MYRFL: variants seen among roughly 807,000 people sequenced by gnomAD.
MYRFL encodes the protein myelin regulatory factor-like protein.
In MYRFL, 88 loss-of-function variants were observed where a neutral mutation model predicts 109.4. That is an observed-to-expected ratio of 0.80 (90% CI 0.68 to 0.96). The LOEUF is 0.96. Among genes scored for constraint, MYRFL ranks in the 40% least tolerant of loss-of-function variants. The pLI is 0.00. For synonymous variants in MYRFL, 324 were observed against 320.9 expected (o/e 1.01, Z -0.10); for missense variants, 957 against 954.9 (o/e 1.00, Z -0.03).
chr12:69,879,537 G>C, intron 4 of MYRFL, 84 bp downstream of exon 4: 2 of 632,946 alleles, frequency 3.2e-6, no homozygotes, highest in Non-Finnish European at 5.7e-6. Flanking sequence ...TAGAGAGAAT[G>C]CACAGTGGAG....
At position 69,886,979 on chromosome 12, in the gene MYRFL, C is replaced by A. The variant is rs1886496797; in HGVS notation, c.707+9C>A. 6 of 1,535,384 alleles carry A rather than the reference C, an allele frequency of 3.9e-6. No individual in the cohort carries two copies. The South Asian group carries it at 7.1e-5, about 18-fold the overall frequency. On this transcript the variant is annotated intron_variant, in intron 6 of 24. Transcript: ENST00000552032. The stretch of plus-strand genomic sequence containing the variant: ...AGTCATTATGAAAAACTGTAAGTGG[C>A]TTGAGTGGGCTGGAGAGTGAGGGGA...
intron 1 of MYRFL, among the ~76,000 whole-genome samples, chr12:69,844,711 G>A (rs902966447): frequency 1.3e-5 from 2 of 152,122 alleles, no homozygotes; most frequent in Non-Finnish European, 2.9e-5. Flanking sequence ...CTGTAAACTG[G>A]GAGTAGTATT....
intron 13 of MYRFL, among the ~76,000 whole-genome samples, chr12:69,920,886 A>T (rs1239260043): frequency 6.6e-6 from 1 of 152,216 alleles, no homozygotes; most frequent in East Asian, 1.9e-4. Flanking sequence ...AAACATGCTC[A>T]TTCTGTCCAT....
intron 2 of MYRFL, among the ~76,000 whole-genome samples, chr12:69,875,214 T>C: frequency 6.6e-6 from 1 of 151,722 alleles, no homozygotes; most frequent in Admixed American, 6.6e-5. Context: ...TCCTCTCTGT[T>C]GTTTAGATGG....
chr12:69,929,823 T>A (rs940659514), intron 15 of MYRFL, among the ~76,000 whole-genome samples: 1 of 152,196 alleles, frequency 6.6e-6, no homozygotes, highest in Admixed American at 6.5e-5. Context: ...TCCCTATTTT[T>A]AAAATGGGAT....
intron 6 of MYRFL, among the ~76,000 whole-genome samples, chr12:69,890,113 G>A (rs1034204871): frequency 1.1e-4 from 17 of 152,110 alleles, no homozygotes; most frequent in African/African-American, 2.4e-4. Flanking sequence ...GTTTCCAATC[G>A]ATTGTATAAC....
chr12:69,936,029 G>C (rs1337302157), intron 16 of MYRFL, 84 bp from the exon 17 acceptor site: 2 of 1,456,078 alleles, frequency 1.4e-6, no homozygotes, highest in Non-Finnish European at 1.8e-6. Context: ...GTACATCTCT[G>C]GCCAGCTGGA....
intron 5 of MYRFL, among the ~76,000 whole-genome samples, chr12:69,882,320 A>AAAG (rs1274220247): frequency 9.2e-6 from 1 of 108,646 alleles, no homozygotes; most frequent in African/African-American, 4.7e-5. Context: ...AGAAAGAAAG[A>AAAG]AAAAAAAGAC....
intron 15 of MYRFL, among the ~76,000 whole-genome samples, chr12:69,928,579 C>A (rs1382813108): frequency 6.6e-6 from 1 of 152,192 alleles, no homozygotes; most frequent in African/African-American, 2.4e-5. Flanking sequence ...CAAAATTCTT[C>A]TACTAAAAAC....
At chr12:69,873,055 G>A (rs965999625) in intron 2 of MYRFL, among the ~76,000 whole-genome samples, 2 of 152,088 alleles carry the variant, frequency 1.3e-5, no homozygotes, top group African/African-American at 4.8e-5. Context: ...TGAAACTGAG[G>A]GTAGTACCAA....
At chr12:69,860,942 C>T (rs1884620301) in intron 2 of MYRFL, among the ~76,000 whole-genome samples, 1 of 139,970 alleles carries the variant, frequency 7.1e-6, no homozygotes, top group South Asian at 2.4e-4. Context: ...GTTCCCCTTC[C>T]TGTGTCCATG....
intron 2 of MYRFL, among the ~76,000 whole-genome samples, chr12:69,864,120 G>A (rs191368774): frequency 2.8e-4 from 43 of 152,110 alleles, no homozygotes; most frequent in Admixed American, 4.6e-4. Flanking sequence ...ATGTTTCTAG[G>A]TATGAGCCTT....
chr12:69,864,670 A>ACAC (rs1884907919), intron 2 of MYRFL, among the ~76,000 whole-genome samples: 1 of 4,126 alleles, frequency 2.4e-4, no homozygotes, highest in Non-Finnish European at 5.3e-4. Flanking sequence ...CACACACACA[A>ACAC]ACACACACAC....
Position 69,892,243 on chromosome 12 carries a change from G to A in MYRFL, c.903+1077G>A, listed in dbSNP as rs117904008. On this transcript the variant is annotated intron_variant, in intron 7 of 24. Transcript: ENST00000552032. ...ACAGTTTAACAGAGGGGAGACTGAG[G>A]GCCAATAAGGTTACACAATTCATCC... Among the ~76,000 whole-genome samples, 895 of 152,190 alleles carry A rather than the reference G, an allele frequency of 5.9e-3. 5 individuals are homozygous for A. The highest frequency in any genetic ancestry group is 9.9e-3 in the Non-Finnish European group (671 of 68,000).
chr12:69,934,315 A>G (rs1955377089), intron 16 of MYRFL, among the ~76,000 whole-genome samples: 2 of 152,230 alleles, frequency 1.3e-5, no homozygotes, highest in African/African-American at 4.8e-5. Context: ...TGCAGGGCTC[A>G]TGGCCAGTCC....
chr12:69,867,785 T>G (rs1239014733), intron 2 of MYRFL, among the ~76,000 whole-genome samples: 1 of 152,162 alleles, frequency 6.6e-6, no homozygotes, highest in African/African-American at 2.4e-5. Flanking sequence ...TACGTGGAGT[T>G]CTGTGAGAAG....
rs114662579 is a variant in MYRFL, at chr12:69,907,522, G to A, written c.1384-2447G>A. ...GAACAAAGGGGAAAATAGGGATTGGGCATAGGACTCACAGGGGCCTATGGC... is the reference window on the plus strand; with the variant it reads ...GAACAAAGGGGAAAATAGGGATTGGACATAGGACTCACAGGGGCCTATGGC... On this transcript the variant is annotated intron_variant, in intron 11 of 24. Coordinates refer to ENST00000552032, the MANE Select transcript of MYRFL (RefSeq NM_182530.3). Among the ~76,000 whole-genome samples the A allele has an allele frequency of 2.0e-3, 301 of 152,196 alleles. 2 individuals are homozygous for A. The highest frequency in any genetic ancestry group is 7.1e-3 in the African/African-American group (294 of 41,498).
At chr12:69,827,857 A>C (rs35827156) in intron 1 of MYRFL, among the ~76,000 whole-genome samples, 1 of 152,096 alleles carries the variant, frequency 6.6e-6, no homozygotes, top group Non-Finnish European at 1.5e-5. Context: ...GGTTGAAAAC[A>C]GTTAATATAT....
chr12:69,850,340 T>C (rs1034267261), intron 1 of MYRFL, among the ~76,000 whole-genome samples: 1 of 151,952 alleles, frequency 6.6e-6, no homozygotes, highest in Non-Finnish European at 1.5e-5. Context: ...TGATCTTATA[T>C]GCACTATTTT....
Sources: allele counts gnomAD v4.1 joint callset (sites outside exome capture counted in the v4.1 genomes callset), GRCh38; gene constraint gnomAD v4.1.1; transcripts MANE v1.5; gene names NCBI Gene and HGNC (gene_info 2026-07-23, HGNC 2026-07-21).